Variants in HIVEP2 observed in about 807,000 individuals in gnomAD.
HIVEP2 encodes the protein HIVEP zinc finger 2, also known as transcription factor HIVEP2.
In HIVEP2, 14 loss-of-function variants were observed where a neutral mutation model predicts 180.7. The observed-to-expected ratio is 0.08, with a 90% CI of 0.05 to 0.12. HIVEP2 has a LOEUF of 0.12. Among genes scored for constraint, HIVEP2 ranks in the 10% least tolerant of loss-of-function variants. The pLI, the probability that HIVEP2 is intolerant of heterozygous loss-of-function variation, is 1.00. For missense variants in HIVEP2, 2,579 were observed against 3,008.5 expected, an observed-to-expected ratio of 0.86 and a Z score of 3.34; for synonymous variants, 1,184 against 1,136.4, an observed-to-expected ratio of 1.04 and a Z score of -0.84.
At chr6:142,827,054 C>T (rs563755924) in intron 2 of HIVEP2, among the ~76,000 whole-genome samples, 44 of 152,246 alleles carry the variant, frequency 2.9e-4, no homozygotes, top group African/African-American at 9.6e-4. Flanking sequence ...GGTTTAGGAG[C>T]AATTGCTTCT....
chr6:142,898,805 C>T (rs753524776), intron 1 of HIVEP2, among the ~76,000 whole-genome samples: 2 of 152,188 alleles, frequency 1.3e-5, no homozygotes, highest in Non-Finnish European at 2.9e-5. Flanking sequence ...CCTTCAATTT[C>T]CCTCACCCTT....
intron 2 of HIVEP2, among the ~76,000 whole-genome samples, chr6:142,799,039 C>T (rs981182694): frequency 6.6e-6 from 1 of 152,092 alleles, no homozygotes; most frequent in Non-Finnish European, 1.5e-5. Context: ...TAACAAGTGA[C>T]CATAAGTTGA....
chr6:142,820,608 A>G (rs1264922654), intron 2 of HIVEP2, among the ~76,000 whole-genome samples: 1 of 152,238 alleles, frequency 6.6e-6, no homozygotes, highest in African/African-American at 2.4e-5. Flanking sequence ...TTAGTCAATC[A>G]CAGACGCTAA....
intron 1 of HIVEP2, among the ~76,000 whole-genome samples, chr6:142,893,066 C>A (rs1299268828): frequency 6.6e-6 from 1 of 152,148 alleles, no homozygotes. Flanking sequence ...TCTCATGAAA[C>A]AATTAGTCCT....
chr6:142,945,616 G>A (rs974376477), upstream of HIVEP2, among the ~76,000 whole-genome samples: 1 of 152,190 alleles, frequency 6.6e-6, no homozygotes, highest in Non-Finnish European at 1.5e-5. This position sits in a 1 kb window ranked among gnomAD's most constrained non-coding sequence, Gnocchi z 5.5. Context: ...TGAACGAGCC[G>A]GGAGACCCTC....
At chr6:142,845,258 A>T (rs1315136579) in intron 1 of HIVEP2, among the ~76,000 whole-genome samples, 3 of 152,208 alleles carry the variant, frequency 2.0e-5, no homozygotes, top group South Asian at 4.1e-4. Context: ...GGGAAATATT[A>T]GTAATCCTAT....
rs150009285 is a variant in HIVEP2 at position 142,764,367 on chromosome 6, T to C, written c.5518+432A>G. Among the ~76,000 whole-genome samples the C allele has an allele frequency of 1.5e-3, 230 of 152,362 alleles. 1 individual carries two copies. Among genetic ancestry groups the C allele is most frequent in the East Asian group, 0.013 (69 of 5,192 alleles). On this transcript the variant is annotated intron_variant, in intron 7 of 9. Transcript: ENST00000367603. ...GCAACTGTGGATGAAGGCACCCACC[T>C]GGGAGTGTGTGGGTCTCTACATTAT...
In HIVEP2 at chr6:142,774,838, T is replaced by C; in HGVS notation, c.-100A>G. On this transcript the variant is annotated 5_prime_UTR_variant, in exon 5 of 10. Transcript: ENST00000367603. The surrounding 1 kb of genome is among the most constrained non-coding windows in gnomAD (Gnocchi z 5.1). The stretch of plus-strand genomic sequence containing the variant: ...TTCTTAAAGCTTGGTTGCTTCCATG[T>C]TCCAGGGTGTCTGCAAACTTGCTGA... 6.6e-7 allele frequency: 1 copy of C among 1,520,960 alleles called. No individual in the cohort carries two copies. The highest frequency in any genetic ancestry group is 2.2e-5 in the Admixed American group (1 of 46,180). The allele number at this position is 1,520,960 out of a possible 1,614,324, so 94.2% of individuals were successfully genotyped here. A position where few individuals can be genotyped will look rare whatever the true frequency, so the allele number is the denominator to read the frequency against.
intron 2 of HIVEP2, among the ~76,000 whole-genome samples, chr6:142,818,398 C>T (rs948485137): frequency 1.3e-5 from 2 of 151,994 alleles, no homozygotes; most frequent in African/African-American, 2.4e-5. Context: ...CTTTTAAAGC[C>T]GGGCACGGTG....
At position 142,761,820 on chromosome 6, in the gene HIVEP2, C is replaced by T. The variant is rs1336771311; in HGVS notation, c.5519-255G>A. On this transcript the variant is annotated intron_variant, in intron 7 of 9. Transcript: ENST00000367603. ...GAAGATATGTGGAAGTCCAGGCTCA[C>T]ATCTTTTCAAGAGTAGGCTCAAAGC... 9.2e-5 allele frequency among the ~76,000 whole-genome samples: 14 copies of T among 152,272 alleles called. No homozygotes were observed. The East Asian group carries it at 2.5e-3, about 27-fold the overall frequency.
chr6:142,816,164 T>C (rs777630081), intron 2 of HIVEP2, among the ~76,000 whole-genome samples: 1 of 152,126 alleles, frequency 6.6e-6, no homozygotes, highest in African/African-American at 2.4e-5. Flanking sequence ...GAAACAAATA[T>C]TTATGCAGCT....
At chr6:142,915,112 T>C (rs370299329) in intron 1 of HIVEP2, among the ~76,000 whole-genome samples, 4 of 152,326 alleles carry the variant, frequency 2.6e-5, no homozygotes, top group South Asian at 4.1e-4. Flanking sequence ...AACTGGGTCA[T>C]GATTGTCACT....
At chr6:142,847,168 T>C (rs1364649991) in intron 1 of HIVEP2, among the ~76,000 whole-genome samples, 4 of 152,196 alleles carry the variant, frequency 2.6e-5, no homozygotes, top group African/African-American at 7.2e-5. Flanking sequence ...CATAATGGCA[T>C]GTTGGGGGTG....
At chr6:142,927,348 G>A (rs931171367) in intron 1 of HIVEP2, among the ~76,000 whole-genome samples, 1 of 151,988 alleles carries the variant, frequency 6.6e-6, no homozygotes, top group African/African-American at 2.4e-5. Context: ...TTATTTCCAA[G>A]TCATCAAAAG....
At chr6:142,813,087 TTA>T (rs1776739827) in intron 2 of HIVEP2, among the ~76,000 whole-genome samples, 1 of 152,130 alleles carries the variant, frequency 6.6e-6, no homozygotes, top group African/African-American at 2.4e-5. Flanking sequence ...GTTAATAAAA[TTA>T]TGACTTTATA....
Position 142,790,795 on chromosome 6 carries a change from A to G in HIVEP2, c.-527-7180T>C, listed in dbSNP as rs563800753. Among the ~76,000 whole-genome samples, 3 of 152,218 alleles carry G rather than the reference A, an allele frequency of 2.0e-5. No homozygotes were observed. The East Asian group carries it at 5.8e-4, about 29-fold the overall frequency. ...GGCTGACCTTGCCTGAAGAAAATCCATCTTTGAGGGAAGATCCTCCTGCAT... is the reference window on the plus strand; with the variant it reads ...GGCTGACCTTGCCTGAAGAAAATCCGTCTTTGAGGGAAGATCCTCCTGCAT... On this transcript the variant is annotated intron_variant, in intron 2 of 9. Transcript: ENST00000367603.
chr6:142,879,792 C>T (rs1317285494), intron 1 of HIVEP2, among the ~76,000 whole-genome samples: 2 of 152,090 alleles, frequency 1.3e-5, no homozygotes, highest in South Asian at 2.1e-4. Context: ...TCTGACCCTC[C>T]CATGCCCGTC....
intron 1 of HIVEP2, among the ~76,000 whole-genome samples, chr6:142,854,505 C>T (rs1239977241): frequency 6.6e-6 from 1 of 152,178 alleles, no homozygotes; most frequent in Non-Finnish European, 1.5e-5. Context: ...AAAGATCGTG[C>T]TCAACCAAGA....
At chr6:142,935,565 G>A (rs530314746) in intron 1 of HIVEP2, among the ~76,000 whole-genome samples, 10 of 152,092 alleles carry the variant, frequency 6.6e-5, no homozygotes, top group Admixed American at 3.9e-4. Context: ...TAATAATAAA[G>A]TAAAGGTGCA....
Sources: allele counts gnomAD v4.1 joint callset (sites outside exome capture counted in the v4.1 genomes callset), GRCh38; gene constraint gnomAD v4.1.1; non-coding constraint Gnocchi (gnomAD v3.1); transcripts MANE v1.5; gene names NCBI Gene and HGNC (gene_info 2026-07-23, HGNC 2026-07-21).